NEDD1: variants seen among roughly 807,000 people sequenced by gnomAD.
NEDD1 encodes the protein protein NEDD1.
NEDD1 carries 33 observed loss-of-function variants against 74.0 expected under a neutral mutation model. The ratio of observed to expected loss-of-function variants is 0.45; its 90% CI spans 0.34 to 0.60. NEDD1 has a LOEUF of 0.60. Ranked by LOEUF, NEDD1 falls within the 20% of genes least tolerant of loss-of-function variation. The probability of loss-of-function intolerance (pLI) is 0.01; values close to 1 mark genes in which losing one functional copy is unlikely to be tolerated. For synonymous variants in NEDD1, 250 were observed against 264.4 expected, an observed-to-expected ratio of 0.95 and a Z score of 0.53; for missense variants, 746 against 776.5, an observed-to-expected ratio of 0.96 and a Z score of 0.47.
chr12:96,929,172 TGA>T (rs978363945), intron 6 of NEDD1, among the ~76,000 whole-genome samples: 92 of 151,992 alleles, frequency 6.1e-4, no homozygotes, highest in Admixed American at 3.9e-4. Context: ...TATTTCTTTT[TGA>T]TTTTTAAAAA....
chr12:96,927,225 A>C (rs1875810468), intron 6 of NEDD1, among the ~76,000 whole-genome samples: 1 of 152,206 alleles, frequency 6.6e-6, no homozygotes, highest in South Asian at 2.1e-4. Context: ...TTTAAAAATG[A>C]TCAAATTAGT....
At position 96,932,114 on chromosome 12, in the gene NEDD1, C is replaced by T. The variant is rs1398450474; in HGVS notation, c.490-2862C>T. On this transcript the variant is annotated intron_variant, in intron 6 of 15. Coordinates refer to ENST00000266742, the MANE Select transcript of NEDD1 (RefSeq NM_152905.4). ...TTTTATATTTAGAAACAATCTCCCT[C>T]CTCCACAAACATGCAACATTCTTAC... Among the ~76,000 whole-genome samples, 3 of 151,936 alleles carry T rather than the reference C, an allele frequency of 2.0e-5. No individual in the cohort carries two copies. In the East Asian group the frequency reaches 5.8e-4, roughly 30 times the overall value.
intron 3 of NEDD1, among the ~76,000 whole-genome samples, chr12:96,911,598 C>T (rs1381105460): frequency 2.6e-5 from 4 of 152,102 alleles, no homozygotes. Context: ...CTTTAACTTA[C>T]GTTCCTCACT....
intron 10 of NEDD1, among the ~76,000 whole-genome samples, chr12:96,941,149 C>T (rs1026211280): frequency 2.5e-4 from 38 of 152,056 alleles, no homozygotes; most frequent in Non-Finnish European, 5.3e-4. Flanking sequence ...GGTAATTTGA[C>T]AGAGTTAATA....
chr12:96,923,142 A>G (rs929040534), intron 6 of NEDD1, among the ~76,000 whole-genome samples: 8 of 151,994 alleles, frequency 5.3e-5, no homozygotes, highest in Admixed American at 3.9e-4. Flanking sequence ...GCAAGGAATC[A>G]TATGTGTCTG....
Position 96,911,871 on chromosome 12 carries a change from T to A in NEDD1, c.137-852T>A, listed in dbSNP as rs1053183198. Among the ~76,000 whole-genome samples, 36 of 152,198 alleles carry A rather than the reference T, an allele frequency of 2.4e-4. 1 individual carries two copies. The highest frequency in any genetic ancestry group is 4.1e-4 in the Non-Finnish European group (28 of 68,014). ...GTTATACAGAACATTCAAAAGTTAA[T>A]GCAGTTAGGGATTCTGAGTGTCTAA... On this transcript the variant is annotated intron_variant, in intron 3 of 15. Transcript: ENST00000266742.
intron 4 of NEDD1, among the ~76,000 whole-genome samples, chr12:96,913,092 C>T (rs1474096583): frequency 1.3e-5 from 2 of 152,112 alleles, no homozygotes; most frequent in Non-Finnish European, 2.9e-5. Flanking sequence ...GGGAGAGGAT[C>T]TCTGTTGCTG....
intron 2 of NEDD1, among the ~76,000 whole-genome samples, chr12:96,908,598 G>A (rs1418263320): frequency 6.6e-6 from 1 of 152,120 alleles, no homozygotes; most frequent in African/African-American, 2.4e-5. Context: ...CACCTTGTTA[G>A]AATTACGTGT....
chr12:96,944,602 T>C (rs1490619777), intron 12 of NEDD1, 37 bp from the exon 13 acceptor site: 1 of 1,337,920 alleles, frequency 7.5e-7, no homozygotes, highest in Admixed American at 2.3e-5. Flanking sequence ...AGTAAAAAAA[T>C]TGTATATTAA....
At chr12:96,912,839 TA>T (rs755922947) in intron 4 of NEDD1, 22 bp downstream of exon 4, 12 of 1,159,284 alleles carry the variant, frequency 1.0e-5, no homozygotes, top group African/African-American at 1.5e-5. Flanking sequence ...TTTTTTTTTT[TA>T]AACTTTTAAA....
At chr12:96,928,681 CTTTTTTTTTTTT>C (rs34575410) in intron 6 of NEDD1, among the ~76,000 whole-genome samples, 2 of 87,694 alleles carry the variant, frequency 2.3e-5, no homozygotes, top group African/African-American at 9.7e-5. Flanking sequence ...TAGTGTGTTT[CTTTTTTTTTTTT>C]TTTTTTTTTT....
At position 96,943,704 on chromosome 12, in the gene NEDD1, C is replaced by A. The variant is rs1368820871; in HGVS notation, c.1439C>A (p.Thr480Lys). ...GKEENENRDL[T>K]AESKKIYMGK... The stretch of plus-strand genomic sequence containing the variant: ...GAGGAAAATGAAAACCGTGATCTAA[C>A]AGCTGAGTCTAAGAAAATATATATG... Residue 480 changes from threonine (T) to lysine (K), a missense_variant, in exon 12 of 16, where the codon ACA becomes AAA. By Grantham distance (78) the Thr-to-Lys change is moderately conservative. Around this residue, in one of 3 missense-constraint regions of NEDD1, gnomAD observed 706 missense variants for 706.7 expected, o/e 1.00. Coordinates refer to ENST00000266742, the MANE Select transcript of NEDD1 (RefSeq NM_152905.4). The A allele has an allele frequency of 3.9e-5, 63 of 1,612,598 alleles. No homozygotes were observed. Among genetic ancestry groups the A allele is most frequent in the Non-Finnish European group, 5.3e-5 (62 of 1,178,862 alleles).
chr12:96,917,827 A>G (rs1592867413), intron 5 of NEDD1, 90 bp downstream of exon 5: 1 of 1,382,922 alleles, frequency 7.2e-7, no homozygotes, highest in Non-Finnish European at 9.6e-7. Context: ...AGCTTTTATG[A>G]TAAAAATAAG....
chr12:96,917,818 G>A lies in NEDD1; in HGVS notation c.348+81G>A, dbSNP rs188217427. The A allele has an allele frequency of 2.1e-5, 29 of 1,407,370 alleles. No homozygotes were observed. The African/African-American group carries it at 3.8e-4, about 18-fold the overall frequency. The allele number at this position is 1,407,370 out of a possible 1,614,324, so 87.2% of individuals were successfully genotyped here. On this transcript the variant is annotated intron_variant, in intron 5 of 15. Transcript: ENST00000266742. ...GTACTTACCAAGCTTTTATTTTTGA[G>A]CTTTTATGATAAAAATAAGAGGCTT...
chr12:96,944,032 T>G (rs576724664), intron 12 of NEDD1, among the ~76,000 whole-genome samples: 2 of 152,214 alleles, frequency 1.3e-5, no homozygotes, highest in South Asian at 4.1e-4. Context: ...TGAATCCTTT[T>G]AAAGTGTATT....
chr12:96,944,545 T>C (rs367875455), intron 12 of NEDD1, 94 bp from the exon 13 acceptor site: 2 of 646,574 alleles, frequency 3.1e-6, no homozygotes, highest in South Asian at 2.4e-5. Context: ...TTAACCTACA[T>C]ACTGGGACAA....
chr12:96,939,598 G>A (rs1877465974), intron 9 of NEDD1, among the ~76,000 whole-genome samples: 1 of 151,934 alleles, frequency 6.6e-6, no homozygotes, highest in African/African-American at 2.4e-5. Context: ...ATACAGTAAT[G>A]TGCTACCAAT....
chr12:96,950,240 C>T (rs1433484665), intron 14 of NEDD1, among the ~76,000 whole-genome samples: 4 of 151,732 alleles, frequency 2.6e-5, no homozygotes, highest in Non-Finnish European at 5.9e-5. Context: ...CGTGTCACAC[C>T]GAGTAAATGG....
At chr12:96,913,217 A>G (rs1034982641) in intron 4 of NEDD1, among the ~76,000 whole-genome samples, 1 of 152,078 alleles carries the variant, frequency 6.6e-6, no homozygotes, top group African/African-American at 2.4e-5. Flanking sequence ...ACAGACTCAC[A>G]GCTGATGGTA....
Sources: gnomAD v4.1 joint callset for allele counts (sites outside exome capture counted in the v4.1 genomes callset) on GRCh38, gnomAD v4.1.1 for gene constraint, gnomAD v4.1.1 regional missense constraint, MANE v1.5 for transcripts, NCBI Gene and HGNC (gene_info 2026-07-23, HGNC 2026-07-21) for gene names.